FSHR: variants seen among roughly 807,000 people sequenced by gnomAD.
The protein encoded by FSHR is follicle-stimulating hormone receptor.
A neutral mutation model predicts 52.1 loss-of-function variants in FSHR; 46 were observed. The observed-to-expected ratio is 0.88, with a 90% CI of 0.70 to 1.13. FSHR has a LOEUF of 1.13. FSHR is among the 50% of genes most tolerant of loss of function. The probability of loss-of-function intolerance (pLI) is 0.00; values close to 1 mark genes in which losing one functional copy is unlikely to be tolerated. For synonymous variants in FSHR, 399 were observed against 309.6 expected, an observed-to-expected ratio of 1.29 and a Z score of -3.03; for missense variants, 964 against 834.6, an observed-to-expected ratio of 1.16 and a Z score of -1.91.
intron 2 of FSHR, among the ~76,000 whole-genome samples, chr2:49,038,488 G>C (rs577380546): frequency 2.0e-5 from 3 of 151,758 alleles, no homozygotes; most frequent in Admixed American, 1.3e-4. Flanking sequence ...AGCCGGGCGT[G>C]GTGGGGAGCA....
intron 2 of FSHR, among the ~76,000 whole-genome samples, chr2:49,059,275 T>A (rs188879151): frequency 2.5e-3 from 378 of 152,018 alleles, no homozygotes; most frequent in Non-Finnish European, 3.5e-3. Context: ...AAAAAAAAAT[T>A]TAAATTTGTA....
At chr2:49,133,030 C>T (rs370251850) in intron 1 of FSHR, among the ~76,000 whole-genome samples, 14 of 148,398 alleles carry the variant, frequency 9.4e-5, no homozygotes, top group Non-Finnish European at 1.6e-4. Context: ...AGACCGCTTG[C>T]TCCCTCTCCT....
chr2:49,037,640 A>C (rs967879210), intron 2 of FSHR, among the ~76,000 whole-genome samples: 1 of 152,218 alleles, frequency 6.6e-6, no homozygotes, highest in Non-Finnish European at 1.5e-5. Flanking sequence ...TATAAAGTTA[A>C]GGTAATTAAA....
intron 1 of FSHR, among the ~76,000 whole-genome samples, chr2:49,078,606 T>C (rs1432771544): frequency 6.6e-6 from 1 of 151,314 alleles, no homozygotes; most frequent in Non-Finnish European, 1.5e-5. Flanking sequence ...CAAAGAAAAT[T>C]TTCATATAAA....
chr2:49,124,065 TC>T (rs975313351), intron 1 of FSHR, among the ~76,000 whole-genome samples: 12 of 151,720 alleles, frequency 7.9e-5, no homozygotes, highest in African/African-American at 2.9e-4. Context: ...GCTCACTGCA[TC>T]CTCCACCTCC....
chr2:49,011,324 T>G (rs999456703), intron 4 of FSHR, among the ~76,000 whole-genome samples: 1 of 152,082 alleles, frequency 6.6e-6, no homozygotes, highest in Non-Finnish European at 1.5e-5. Flanking sequence ...TCAGTTTCCA[T>G]GTAGTTGAGT....
Position 49,154,383 on chromosome 2 carries a change from A to C in FSHR, c.35T>G (p.Leu12Arg), listed in dbSNP as rs762758659. Reference protein sequence around the residue: ...ALLLVSLLAFLSLGSGCHHRI... With the variant: ...ALLLVSLLAFRSLGSGCHHRI... The stretch of plus-strand genomic sequence containing the variant: ...ATGATGACATCCTGAGCCCAAGCTC[A>C]GGAATGCCAGCAAAGAGACCAGGAG... The change falls in exon 1 of 10, where the codon CTG (leucine) becomes CGG (arginine). Residue 12 changes from leucine (L) to arginine (R), a missense_variant. Physicochemically the swap from Leu to Arg is moderately radical, Grantham distance 102 (BLOSUM62 -2). Transcript: ENST00000406846. The C allele has an allele frequency of 1.2e-6, 2 of 1,613,202 alleles. No homozygotes were observed. Among genetic ancestry groups the C allele is most frequent in the Admixed American group, 1.7e-5 (1 of 60,016 alleles).
At chr2:48,981,136 A>G (rs1675228840) in intron 8 of FSHR, among the ~76,000 whole-genome samples, 1 of 152,216 alleles carries the variant, frequency 6.6e-6, no homozygotes, top group South Asian at 2.1e-4. Flanking sequence ...ACAAGTTTTG[A>G]GTACTTTGTA....
At chr2:49,117,694 A>G (rs1389986552) in intron 1 of FSHR, among the ~76,000 whole-genome samples, 2 of 152,228 alleles carry the variant, frequency 1.3e-5, no homozygotes, top group African/African-American at 2.4e-5. Context: ...AGCAGGACCA[A>G]GGAGAAATAT....
intron 1 of FSHR, among the ~76,000 whole-genome samples, chr2:49,081,611 G>A (rs150725234): frequency 3.2e-4 from 48 of 152,204 alleles, no homozygotes; most frequent in Admixed American, 9.2e-4. Context: ...CCCATAAAGT[G>A]CCTGAATGAT....
At chr2:49,023,734 T>C (rs1667822804) in intron 2 of FSHR, among the ~76,000 whole-genome samples, 1 of 152,116 alleles carries the variant, frequency 6.6e-6, no homozygotes, top group Non-Finnish European at 1.5e-5. Flanking sequence ...GACGGGTGAC[T>C]ATAAGGGTTC....
chr2:49,035,941 T>A (rs2104267949), intron 2 of FSHR, among the ~76,000 whole-genome samples: 1 of 152,312 alleles, frequency 6.6e-6, no homozygotes, highest in South Asian at 2.1e-4. Context: ...TCATTTGAGG[T>A]CAACATCATT....
chr2:49,013,486 A>G (rs1667358906), intron 4 of FSHR, among the ~76,000 whole-genome samples: 1 of 63,974 alleles, frequency 1.6e-5, no homozygotes, highest in Non-Finnish European at 3.6e-5. Context: ...ATATAAATAA[A>G]TATATATATA....
chr2:48,975,400 G>A (rs984847132), intron 8 of FSHR, among the ~76,000 whole-genome samples: 1 of 152,034 alleles, frequency 6.6e-6, no homozygotes, highest in Admixed American at 6.6e-5. Flanking sequence ...AACACTGGAT[G>A]GTGTTCAAGT....
At chr2:48,992,034 TC>T (rs1675806268) in intron 4 of FSHR, among the ~76,000 whole-genome samples, 1 of 152,106 alleles carries the variant, frequency 6.6e-6, no homozygotes, top group South Asian at 2.1e-4. Context: ...TTTCTTTTTT[TC>T]CTCTCTTGAT....
chr2:49,021,863 C>CTCTCTCTCTCTCTCTCTATATATA (rs1467766420), intron 2 of FSHR, among the ~76,000 whole-genome samples: 4 of 49,864 alleles, frequency 8.0e-5, no homozygotes, highest in Non-Finnish European at 1.5e-4. Context: ...CTCTCTCTCT[C>CTCTCTCTCTCTCTCTCTATATATA]TATATATATA....
At chr2:49,001,988 T>G (rs950553370) in intron 4 of FSHR, among the ~76,000 whole-genome samples, 1 of 152,146 alleles carries the variant, frequency 6.6e-6, no homozygotes, top group Non-Finnish European at 1.5e-5. Context: ...ATCTGCCATC[T>G]AGTAGATGCT....
At chr2:49,095,039 A>G (rs955334293) in intron 1 of FSHR, among the ~76,000 whole-genome samples, 30 of 152,176 alleles carry the variant, frequency 2.0e-4, no homozygotes, top group African/African-American at 7.2e-4. Flanking sequence ...GATAACCTAG[A>G]TGAAATGGAC....
intron 1 of FSHR, among the ~76,000 whole-genome samples, chr2:49,127,529 C>CAG (rs1558456033): frequency 6.6e-6 from 1 of 151,620 alleles, no homozygotes; most frequent in Non-Finnish European, 1.5e-5. Flanking sequence ...TACACACACA[C>CAG]ACACACACAC....
Sources: allele counts gnomAD v4.1 joint callset (sites outside exome capture counted in the v4.1 genomes callset), GRCh38; gene constraint gnomAD v4.1.1; transcripts MANE v1.5; gene names NCBI Gene and HGNC (gene_info 2026-07-23, HGNC 2026-07-21).